The following CUX2 variants were observed in gnomAD, a reference collection of about 807,000 sequenced individuals.
CUX2 encodes the protein cut like homeobox 2, also known as homeobox protein cut-like 2.
CUX2 carries 40 observed loss-of-function variants against 144.8 expected under a neutral mutation model. The observed-to-expected ratio is 0.28, with a 90% CI of 0.21 to 0.36. The LOEUF (loss-of-function observed/expected upper bound fraction) is 0.36. Ranked by LOEUF, CUX2 falls within the 10% of genes least tolerant of loss-of-function variation. The pLI is 1.00. For synonymous variants in CUX2, 827 were observed against 875.6 expected, an observed-to-expected ratio of 0.94 and a Z score of 0.98; for missense variants, 1,615 against 1,994.0, an observed-to-expected ratio of 0.81 and a Z score of 3.62.
Position 111,347,574 on chromosome 12 carries a change from A to G in CUX2, c.3710A>G (p.Asp1237Gly). ...GTGGAGGGGACCCAGGATGAGCCAG[A>G]CCTTGATCCAAGCGGGGGTCCTGGA... ...MLVEGTQDEP[D>G]LDPSGGPGIL... is the part of the protein sequence containing the mutation. Residue 1237 changes from aspartate (D) to glycine (G), a missense_variant, in exon 22 of 22, where the codon GAC becomes GGC. Transcript: ENST00000261726. 1 of 1,612,662 alleles carries G rather than the reference A, an allele frequency of 6.2e-7. No individual in the cohort carries two copies. The highest frequency in any genetic ancestry group is 8.5e-7 in the Non-Finnish European group (1 of 1,179,506).
At chr12:111,189,105 C>T (rs529356219) in intron 1 of CUX2, among the ~76,000 whole-genome samples, 1 of 152,038 alleles carries the variant, frequency 6.6e-6, no homozygotes. Context: ...AGTGGGGAAA[C>T]CCCGACTCTA....
intron 4 of CUX2, among the ~76,000 whole-genome samples, chr12:111,268,670 C>CA (rs1884500086): frequency 6.6e-6 from 1 of 152,254 alleles, no homozygotes; most frequent in South Asian, 2.1e-4. Context: ...CAGCTGGGGT[C>CA]ATTATCACCC....
chr12:111,235,340 C>T (rs549676740), intron 3 of CUX2, among the ~76,000 whole-genome samples: 9 of 151,968 alleles, frequency 5.9e-5, no homozygotes, highest in Non-Finnish European at 8.8e-5. Context: ...GAAGGATGAC[C>T]GGAAACCAAG....
intron 4 of CUX2, among the ~76,000 whole-genome samples, chr12:111,283,490 T>C (rs1045015966): frequency 1.3e-5 from 2 of 152,056 alleles, no homozygotes; most frequent in Non-Finnish European, 2.9e-5. Flanking sequence ...GCAGCACTCA[T>C]TTGGAGTCCA....
At chr12:111,041,618 G>A (rs1869745526) in intron 1 of CUX2, among the ~76,000 whole-genome samples, 1 of 152,202 alleles carries the variant, frequency 6.6e-6, no homozygotes, top group Admixed American at 6.5e-5. Flanking sequence ...AAGAAATCTA[G>A]GTGACCAGTG....
intron 16 of CUX2, among the ~76,000 whole-genome samples, chr12:111,318,237 T>TA (rs2136393011): frequency 8.1e-6 from 1 of 124,040 alleles, no homozygotes; most frequent in African/African-American, 4.1e-5. Flanking sequence ...AATTTTTTTT[T>TA]CTTTTTTCTT....
At chr12:111,329,883 C>T (rs777895755) in intron 18 of CUX2, among the ~76,000 whole-genome samples, 5 of 152,286 alleles carry the variant, frequency 3.3e-5, no homozygotes, top group South Asian at 2.1e-4. Context: ...GTGATCCACC[C>T]GCGTTGGCCT....
intron 1 of CUX2, among the ~76,000 whole-genome samples, chr12:111,143,402 C>T (rs908423122): frequency 1.3e-5 from 2 of 152,172 alleles, no homozygotes; most frequent in Non-Finnish European, 2.9e-5. Flanking sequence ...CCCTGTCATT[C>T]GCACCAGGCG....
chr12:111,204,769 G>T (rs1217052418), intron 1 of CUX2, among the ~76,000 whole-genome samples: 1 of 152,096 alleles, frequency 6.6e-6, no homozygotes. Flanking sequence ...TTGTAGTGCT[G>T]GTCATTGTGG....
At chr12:111,119,918 CA>C (rs1874536247) in intron 1 of CUX2, among the ~76,000 whole-genome samples, 1 of 152,134 alleles carries the variant, frequency 6.6e-6, no homozygotes, top group Non-Finnish European at 1.5e-5. Context: ...ATTAGCCAGG[CA>C]TGGTGGCACG....
Position 111,217,957 on chromosome 12 carries a change from G to A in CUX2, c.222+20G>A, listed in dbSNP as rs749500899. 5.6e-6 allele frequency: 9 copies of A among 1,613,720 alleles called. No individual in the cohort carries two copies. Among genetic ancestry groups the A allele is most frequent in the South Asian group, 3.3e-5 (3 of 91,052 alleles). On this transcript the variant is annotated intron_variant, in intron 3 of 21. Transcript: ENST00000261726. ...GCCGAGGTAAGACCCAGGGCCCACA[G>A]CATGTCAGAAAAGTGCCCCCAATGG...
At chr12:111,232,601 G>A (rs994897078) in intron 3 of CUX2, among the ~76,000 whole-genome samples, 7 of 152,196 alleles carry the variant, frequency 4.6e-5, no homozygotes, top group Admixed American at 2.6e-4. Context: ...AGCATCGGAG[G>A]ATTTTGGTAT....
intron 1 of CUX2, among the ~76,000 whole-genome samples, chr12:111,192,528 A>T (rs1879958429): frequency 6.6e-6 from 1 of 151,630 alleles, no homozygotes; most frequent in Non-Finnish European, 1.5e-5. Context: ...TCCTGCTTTC[A>T]CTAGATCTTC....
chr12:111,325,535 C>T (rs1358213776), intron 18 of CUX2, among the ~76,000 whole-genome samples: 2 of 152,118 alleles, frequency 1.3e-5, no homozygotes, highest in Non-Finnish European at 2.9e-5. Context: ...TGTGGGCCAT[C>T]AGGCTTCCTG....
intron 1 of CUX2, among the ~76,000 whole-genome samples, chr12:111,198,427 A>G (rs1436124298): frequency 6.6e-6 from 1 of 150,464 alleles, no homozygotes; most frequent in Non-Finnish European, 1.5e-5. Flanking sequence ...GTGAGCCGAG[A>G]TTGTGCCACT....
At chr12:111,290,550 C>T (rs1163755499) in intron 4 of CUX2, among the ~76,000 whole-genome samples, 2 of 151,976 alleles carry the variant, frequency 1.3e-5, no homozygotes, top group Admixed American at 1.3e-4. Flanking sequence ...GCCTCAGCCT[C>T]CCAAGTAGCT....
At position 111,191,751 on chromosome 12, in the gene CUX2, C is replaced by T. The variant is rs919506980; in HGVS notation, c.64-22449C>T. Among the ~76,000 whole-genome samples the T allele has an allele frequency of 2.0e-5, 3 of 152,210 alleles. 1 individual carries two copies. The highest frequency in any genetic ancestry group is 1.3e-4 in the Admixed American group (2 of 15,286). ...CTTCCAGGCCTTTGGACCTGCTGTT[C>T]CTCTTGCCTGGAGTGTGCTTTCCTC... On this transcript the variant is annotated intron_variant, in intron 1 of 21. Coordinates refer to ENST00000261726, the MANE Select transcript of CUX2 (RefSeq NM_015267.4).
chr12:111,191,419 TCTC>T (rs1476687623), intron 1 of CUX2, among the ~76,000 whole-genome samples: 2 of 151,988 alleles, frequency 1.3e-5, no homozygotes, highest in African/African-American at 4.8e-5. Flanking sequence ...GCAACCTCCA[TCTC>T]CTGCGTTCAA....
chr12:111,058,120 TA>T (rs976105210), intron 1 of CUX2, among the ~76,000 whole-genome samples: 17 of 152,128 alleles, frequency 1.1e-4, no homozygotes, highest in Admixed American at 1.0e-3. Flanking sequence ...ATTCCATAAT[TA>T]AAAAAAATGA....
Sources: allele counts gnomAD v4.1 joint callset (sites outside exome capture counted in the v4.1 genomes callset), GRCh38; gene constraint gnomAD v4.1.1; transcripts MANE v1.5; gene names NCBI Gene and HGNC (gene_info 2026-07-23, HGNC 2026-07-21).